DYTN: variants seen among roughly 807,000 people sequenced by gnomAD.
The protein encoded by DYTN is dystrotelin.
DYTN carries 75 observed loss-of-function variants against 69.6 expected under a neutral mutation model. The ratio of observed to expected loss-of-function variants is 1.08; its 90% CI spans 0.89 to 1.31. The LOEUF is 1.31. Ranked by LOEUF, DYTN falls within the 50% of genes most tolerant of loss-of-function variation. DYTN has a pLI of 0.00. For missense variants in DYTN, 726 were observed against 688.4 expected (o/e 1.05, Z -0.61); for synonymous variants, 252 against 249.1 (o/e 1.01, Z -0.11).
intron 2 of DYTN, among the ~76,000 whole-genome samples, chr2:206,709,982 T>G (rs1700064650): frequency 6.6e-6 from 1 of 152,172 alleles, no homozygotes. Context: ...CAATCAGATA[T>G]AAATTTACTG....
intron 9 of DYTN, among the ~76,000 whole-genome samples, chr2:206,666,537 C>G (rs1699573861): frequency 6.6e-6 from 1 of 152,146 alleles, no homozygotes; most frequent in Admixed American, 6.5e-5. Flanking sequence ...ACTTTATACA[C>G]TATCCTTTTG....
intron 9 of DYTN, among the ~76,000 whole-genome samples, chr2:206,668,836 T>G (rs764897042): frequency 1.3e-5 from 2 of 152,046 alleles, no homozygotes; most frequent in African/African-American, 4.8e-5. Flanking sequence ...GTTCTCATGA[T>G]AGTGAGTGAG....
intron 9 of DYTN, among the ~76,000 whole-genome samples, chr2:206,685,045 G>A (rs1433660587): frequency 6.6e-6 from 1 of 152,200 alleles, no homozygotes; most frequent in African/African-American, 2.4e-5. Context: ...GACAATGGAA[G>A]TACAGCCTGG....
rs1223885768 is a variant in DYTN at position 206,663,266 on chromosome 2, C to G, written c.1270G>C (p.Ala424Pro). ...YLQIKNATED[A>P]STGEPLPKLD... is the part of the protein sequence containing the mutation. ...TTAGGAAGAGGTTCCCCTGTTGAAG[C>G]ATCTTCAGTGGCATTCTTGATCTGC... The change falls in exon 11 of 12, where the codon GCT (alanine) becomes CCT (proline). Residue 424 changes from alanine (A) to proline (P), a missense_variant. Physicochemically the swap from Ala to Pro is conservative, Grantham distance 27 (BLOSUM62 -1). Transcript: ENST00000452335. The G allele has an allele frequency of 6.2e-7, 1 of 1,614,014 alleles. No individual in the cohort carries two copies. Among genetic ancestry groups the G allele is most frequent in the South Asian group, 1.1e-5 (1 of 91,080 alleles).
chr2:206,666,291 C>T (rs1349636446), intron 9 of DYTN, among the ~76,000 whole-genome samples: 1 of 152,122 alleles, frequency 6.6e-6, no homozygotes, highest in Non-Finnish European at 1.5e-5. Flanking sequence ...GCTGGGATTA[C>T]AGGTGCACAC....
At chr2:206,665,772 G>C (rs1699563344) in intron 10 of DYTN, 98 bp downstream of exon 10, 1 of 1,426,268 alleles carries the variant, frequency 7.0e-7, no homozygotes, top group East Asian at 2.3e-5. Flanking sequence ...AAGGGAAGAG[G>C]CTGATCAAAG....
At chr2:206,690,929 A>C (rs570973979) in intron 9 of DYTN, among the ~76,000 whole-genome samples, 1 of 152,332 alleles carries the variant, frequency 6.6e-6, no homozygotes, top group South Asian at 2.1e-4. Context: ...TGGTGGACCA[A>C]AAGGACCAAG....
At chr2:206,682,593 T>A (rs776502276) in intron 9 of DYTN, among the ~76,000 whole-genome samples, 1 of 152,068 alleles carries the variant, frequency 6.6e-6, no homozygotes, top group Non-Finnish European at 1.5e-5. Context: ...CCCTCTACAC[T>A]CTCTCTTTGA....
chr2:206,681,970 C>T (rs1410332903), intron 9 of DYTN, among the ~76,000 whole-genome samples: 2 of 152,124 alleles, frequency 1.3e-5, no homozygotes, highest in African/African-American at 4.8e-5. Flanking sequence ...CCTCTTTGTA[C>T]CTCTGGTAGA....
intron 11 of DYTN, among the ~76,000 whole-genome samples, chr2:206,657,000 G>A (rs906782143): frequency 1.3e-5 from 2 of 151,844 alleles, no homozygotes; most frequent in East Asian, 3.9e-4. Context: ...AATCTCAGGT[G>A]ATCCGCCCAC....
rs774478884 is a variant in DYTN, at chr2:206,693,190, T to C, written c.965A>G (p.His322Arg). 1 of 1,611,764 alleles carries C rather than the reference T, an allele frequency of 6.2e-7. No individual in the cohort carries two copies. Among genetic ancestry groups the C allele is most frequent in the Non-Finnish European group, 8.5e-7 (1 of 1,179,414 alleles). ...LDQVNPKGVP[H>R]HAQARLLKKQ... The stretch of plus-strand genomic sequence containing the variant: ...AGCCACTCACCTGGCCTGCGCATGG[T>C]GAGGCACACCCTTTGGATTCACCTG... The change falls in exon 9 of 12, where the codon CAC becomes CGC. Residue 322 changes from histidine (H) to arginine (R), a missense_variant. Coordinates refer to ENST00000452335, the MANE Select transcript of DYTN (RefSeq NM_001093730.1).
At chr2:206,711,714 T>TC in intron 1 of DYTN, among the ~76,000 whole-genome samples, 1 of 152,156 alleles carries the variant, frequency 6.6e-6, no homozygotes, top group South Asian at 2.1e-4. Flanking sequence ...TAGGTGTATC[T>TC]CCCAATCCTA....
At chr2:206,666,755 G>A (rs1559306494) in intron 9 of DYTN, among the ~76,000 whole-genome samples, 1 of 151,632 alleles carries the variant, frequency 6.6e-6, no homozygotes, top group Non-Finnish European at 1.5e-5. Context: ...GTGTGTGTGT[G>A]TGTGTGTGTG....
intron 9 of DYTN, among the ~76,000 whole-genome samples, chr2:206,688,201 C>A (rs962365254): frequency 6.6e-6 from 1 of 152,276 alleles, no homozygotes; most frequent in South Asian, 2.1e-4. Flanking sequence ...AATGCACAAC[C>A]TTGTTTTATG....
In DYTN at chr2:206,710,892, A is replaced by G. The variant is rs532141854; in HGVS notation, c.20-294T>C. On this transcript the variant is annotated intron_variant, in intron 1 of 11. Transcript: ENST00000452335. ...GCCTTTGAAACAAACAGGATAAAAAAAACTACATGTAGAATATAAATTCAA... is the reference window on the plus strand; with the variant it reads ...GCCTTTGAAACAAACAGGATAAAAAGAACTACATGTAGAATATAAATTCAA... Among the ~76,000 whole-genome samples, 6 of 152,366 alleles carry G rather than the reference A, an allele frequency of 3.9e-5. No homozygotes were observed. The South Asian group carries it at 1.2e-3, about 32-fold the overall frequency.
rs372828749 is a variant in DYTN, at chr2:206,700,164, G to T, written c.536C>A (p.Thr179Asn). 3.1e-6 allele frequency: 5 copies of T among 1,613,904 alleles called. No individual in the cohort carries two copies. In the South Asian group the frequency reaches 4.4e-5, roughly 14 times the overall value. The change falls in exon 6 of 12, where the codon ACC (threonine) becomes AAC (asparagine). Residue 179 changes from threonine (T) to asparagine (N), a missense_variant. Coordinates refer to ENST00000452335, the MANE Select transcript of DYTN (RefSeq NM_001093730.1). Reference protein sequence around the residue: ...SRALCPVESATRSCFQGVLSP... With the variant: ...SRALCPVESANRSCFQGVLSP... ...ACTCACCCCTTGGAAACAGCTGCGG[G>T]TGGCACTTTCCACAGGGCACAGAGC...
At chr2:206,687,327 C>T (rs13387493) in intron 9 of DYTN, 3,602 of 153,840 alleles carry the variant, frequency 0.023, 153 homozygotes, top group African/African-American at 0.082. Flanking sequence ...GCATGAGAAA[C>T]TATTTGCTCT....
chr2:206,705,393 C>T (rs1325724902), intron 4 of DYTN, among the ~76,000 whole-genome samples: 2 of 152,216 alleles, frequency 1.3e-5, no homozygotes, highest in South Asian at 2.1e-4. Context: ...CCACCACGTC[C>T]GGTCACTATG....
intron 1 of DYTN, among the ~76,000 whole-genome samples, chr2:206,715,443 T>C (rs892950110): frequency 3.3e-5 from 5 of 152,070 alleles, no homozygotes; most frequent in African/African-American, 1.2e-4. Context: ...GCCAGTGTTG[T>C]CTTGTTGCTT....
Sources: gnomAD v4.1 joint callset for allele counts (sites outside exome capture counted in the v4.1 genomes callset) on GRCh38, gnomAD v4.1.1 for gene constraint, MANE v1.5 for transcripts, NCBI Gene and HGNC (gene_info 2026-07-23, HGNC 2026-07-21) for gene names.